CAMK4: variants seen among roughly 807,000 people sequenced by gnomAD.
CAMK4 encodes calcium/calmodulin-dependent protein kinase type IV.
A neutral mutation model predicts 44.9 loss-of-function variants in CAMK4; 22 were observed. That is an observed-to-expected ratio of 0.49 (90% CI 0.35 to 0.70). The LOEUF (loss-of-function observed/expected upper bound fraction) is 0.70. Ranked by LOEUF, CAMK4 falls within the 30% of genes least tolerant of loss-of-function variation. The pLI, the probability that CAMK4 is intolerant of heterozygous loss-of-function variation, is 0.01. For synonymous variants in CAMK4, 218 were observed against 215.4 expected (o/e 1.01, Z -0.11); for missense variants, 498 against 586.8 (o/e 0.85, Z 1.56).
chr5:111,340,972 T>A (rs1488729429), intron 1 of CAMK4, among the ~76,000 whole-genome samples: 3 of 151,230 alleles, frequency 2.0e-5, no homozygotes, highest in African/African-American at 7.3e-5. Context: ...TTTATTCATT[T>A]CTTCTAGGTC....
intron 2 of CAMK4, among the ~76,000 whole-genome samples, chr5:111,352,432 TA>T (rs1256720050): frequency 6.6e-6 from 1 of 152,038 alleles, no homozygotes; most frequent in Non-Finnish European, 1.5e-5. Context: ...CCATTAACAA[TA>T]AAAATAACCT....
At chr5:111,322,362 C>T (rs999464846) in intron 1 of CAMK4, among the ~76,000 whole-genome samples, 1 of 152,034 alleles carries the variant, frequency 6.6e-6, no homozygotes. Context: ...GACCTCAAAA[C>T]GATCACACTT....
intron 1 of CAMK4, among the ~76,000 whole-genome samples, chr5:111,321,957 A>T (rs1254891258): frequency 6.6e-6 from 1 of 152,132 alleles, no homozygotes; most frequent in African/African-American, 2.4e-5. Flanking sequence ...TTCTGTAACA[A>T]TCATGACTGA....
intron 1 of CAMK4, among the ~76,000 whole-genome samples, chr5:111,342,147 G>A (rs543375120): frequency 6.6e-6 from 1 of 151,050 alleles, no homozygotes; most frequent in Admixed American, 6.6e-5. Context: ...TAGTTGGTAG[G>A]GCTGTTCTGT....
chr5:111,320,632 A>G (rs1427887962), intron 1 of CAMK4, among the ~76,000 whole-genome samples: 2 of 152,060 alleles, frequency 1.3e-5, no homozygotes, highest in Non-Finnish European at 2.9e-5. Flanking sequence ...TCAGCTTCCC[A>G]AGTAGCTGGG....
intron 7 of CAMK4, among the ~76,000 whole-genome samples, chr5:111,461,526 G>A (rs1447324756): frequency 1.3e-5 from 2 of 152,212 alleles, no homozygotes; most frequent in African/African-American, 2.4e-5. Flanking sequence ...ATCACCCAGT[G>A]TGGAGTCTGC....
At chr5:111,250,978 G>C (rs1749465211) in intron 1 of CAMK4, among the ~76,000 whole-genome samples, 1 of 152,136 alleles carries the variant, frequency 6.6e-6, no homozygotes, top group African/African-American at 2.4e-5. Flanking sequence ...GTACTTCTTA[G>C]CCTCTCCATG....
At chr5:111,349,934 C>T (rs1421213173) in intron 2 of CAMK4, among the ~76,000 whole-genome samples, 2 of 151,926 alleles carry the variant, frequency 1.3e-5, no homozygotes, top group Non-Finnish European at 2.9e-5. Flanking sequence ...ATACATGCCT[C>T]TCATGAAATA....
At chr5:111,367,440 G>A (rs1325915332) in intron 2 of CAMK4, among the ~76,000 whole-genome samples, 2 of 151,936 alleles carry the variant, frequency 1.3e-5, no homozygotes, top group African/African-American at 4.8e-5. Flanking sequence ...AACTTTTGGA[G>A]GATGCATTCA....
intron 4 of CAMK4, among the ~76,000 whole-genome samples, chr5:111,389,049 A>T (rs1000051957): frequency 6.6e-6 from 1 of 152,122 alleles, no homozygotes; most frequent in Non-Finnish European, 1.5e-5. Context: ...TCTTATACTG[A>T]GTGGCTTATA....
chr5:111,308,487 A>G (rs1057256279), intron 1 of CAMK4, among the ~76,000 whole-genome samples: 3 of 152,168 alleles, frequency 2.0e-5, no homozygotes, highest in African/African-American at 4.8e-5. Flanking sequence ...TGTAGTTATT[A>G]CTTTTCATTC....
At chr5:111,245,957 C>T (rs956364333) in intron 1 of CAMK4, among the ~76,000 whole-genome samples, 4 of 152,192 alleles carry the variant, frequency 2.6e-5, no homozygotes, top group Non-Finnish European at 5.9e-5. Flanking sequence ...TTATAGAAAG[C>T]ATTGATGTTA....
intron 2 of CAMK4, among the ~76,000 whole-genome samples, chr5:111,359,053 T>A (rs551475002): frequency 6.6e-6 from 1 of 152,290 alleles, no homozygotes; most frequent in East Asian, 1.9e-4. Flanking sequence ...TGCATGTATC[T>A]TTATAACAGA....
rs141132425 is a variant in CAMK4 at position 111,353,071 on chromosome 5, T to A, written c.240+8969T>A. 1.5e-3 allele frequency among the ~76,000 whole-genome samples: 232 copies of A among 152,102 alleles called. 3 individuals carry two copies. Among genetic ancestry groups the A allele is most frequent in the African/African-American group, 5.3e-3 (218 of 41,516 alleles). On this transcript the variant is annotated intron_variant, in intron 2 of 10. Transcript: ENST00000282356. Reference sequence around the variant, plus strand: ...TTCTCAGTGATAAGGGTAGGTGCGGTTGGAGGTAATGCACAGAGTATATGG... The same window carrying A: ...TTCTCAGTGATAAGGGTAGGTGCGGATGGAGGTAATGCACAGAGTATATGG...
At chr5:111,335,999 C>T (rs146363104) in intron 1 of CAMK4, among the ~76,000 whole-genome samples, 282 of 151,304 alleles carry the variant, frequency 1.9e-3, no homozygotes, top group African/African-American at 6.4e-3. Context: ...AAAACTAGAG[C>T]TCAAAAATAA....
intron 5 of CAMK4, among the ~76,000 whole-genome samples, chr5:111,403,776 A>C (rs1299961102): frequency 6.6e-6 from 1 of 152,098 alleles, no homozygotes; most frequent in Non-Finnish European, 1.5e-5. Context: ...AAGGGAGGGG[A>C]TTTCCTTCTC....
intron 1 of CAMK4, among the ~76,000 whole-genome samples, chr5:111,255,688 A>G (rs1348636608): frequency 1.3e-5 from 2 of 152,178 alleles, no homozygotes; most frequent in Non-Finnish European, 2.9e-5. Flanking sequence ...GCCCCAGACC[A>G]TTCTTGCAAA....
At chr5:111,448,938 A>G (rs1279721175) in intron 6 of CAMK4, among the ~76,000 whole-genome samples, 191 bp from the exon 7 acceptor site, 1 of 152,242 alleles carries the variant, frequency 6.6e-6, no homozygotes, top group East Asian at 1.9e-4. Flanking sequence ...TTTTTCTCCA[A>G]TTTAAAGAAA....
At chr5:111,455,456 A>G (rs889284310) in intron 7 of CAMK4, among the ~76,000 whole-genome samples, 8 of 152,200 alleles carry the variant, frequency 5.3e-5, no homozygotes, top group African/African-American at 1.9e-4. Context: ...CACTTCAGCT[A>G]TTGAATGTGA....
Sources: allele counts gnomAD v4.1 joint callset (sites outside exome capture counted in the v4.1 genomes callset), GRCh38; gene constraint gnomAD v4.1.1; transcripts MANE v1.5; gene names NCBI Gene and HGNC (gene_info 2026-07-23, HGNC 2026-07-21).